LINGO2: variants seen among roughly 807,000 people sequenced by gnomAD.
LINGO2 encodes leucine-rich repeat and immunoglobulin-like domain-containing nogo receptor-interacting protein 2.
In LINGO2, 14 loss-of-function variants were observed where a neutral mutation model predicts 30.6. The observed-to-expected ratio is 0.46, with a 90% confidence interval of 0.30 to 0.72. LINGO2 has a LOEUF of 0.72. Among genes scored for constraint, LINGO2 ranks in the 30% least tolerant of loss-of-function variants. The pLI is 0.07. For missense variants in LINGO2, 729 were observed against 751.7 expected (o/e 0.97, Z 0.35); for synonymous variants, 317 against 288.5 (o/e 1.10, Z -1.00).
chr9:28,699,328 G>A, the LINGO2 span, among the ~76,000 whole-genome samples: 3 of 151,900 alleles, frequency 2.0e-5, no homozygotes, highest in Non-Finnish European at 2.9e-5. Context: ...CTGGAGCTGC[G>A]GCAGAGGAAC....
intron 1 of LINGO2, among the ~76,000 whole-genome samples, chr9:28,483,524 T>G (rs2135233877): frequency 6.6e-6 from 1 of 151,970 alleles, no homozygotes; most frequent in South Asian, 2.1e-4. Flanking sequence ...AATATGAGGT[T>G]TCACTGCTGC....
At chr9:28,886,992 A>C in the LINGO2 span, among the ~76,000 whole-genome samples, 6 of 152,280 alleles carry the variant, frequency 3.9e-5, no homozygotes, top group South Asian at 8.3e-4. Context: ...AATGTTCCCC[A>C]GTGGGTTGAC....
intron 1 of LINGO2, among the ~76,000 whole-genome samples, chr9:28,643,941 G>C (rs1465052385): frequency 6.6e-6 from 1 of 151,828 alleles, no homozygotes; most frequent in East Asian, 1.9e-4. Context: ...AATGGTGTTC[G>C]ACATTGATCA....
intron 2 of LINGO2, among the ~76,000 whole-genome samples, chr9:28,448,480 A>G (rs1301045010): frequency 1.3e-5 from 2 of 152,168 alleles, no homozygotes; most frequent in Non-Finnish European, 2.9e-5. Context: ...GTTTGTTAAA[A>G]AATACATATT....
chr9:28,326,240 C>T (rs1236429250), intron 3 of LINGO2, among the ~76,000 whole-genome samples: 2 of 152,130 alleles, frequency 1.3e-5, no homozygotes, highest in Admixed American at 1.3e-4. Context: ...CTCCTGACCT[C>T]GTGATCTGCC....
chr9:29,145,023 T>C, the LINGO2 span, among the ~76,000 whole-genome samples: 1 of 152,184 alleles, frequency 6.6e-6, no homozygotes, highest in Non-Finnish European at 1.5e-5. Flanking sequence ...AAGTATAATA[T>C]TGGATATTTT....
the LINGO2 span, among the ~76,000 whole-genome samples, chr9:28,842,806 A>C: frequency 6.6e-6 from 1 of 151,826 alleles, no homozygotes; most frequent in Non-Finnish European, 1.5e-5. Context: ...TGCAATTCTA[A>C]ATCTTCAACA....
intron 2 of LINGO2, among the ~76,000 whole-genome samples, chr9:28,380,894 T>A (rs1564163077): frequency 6.6e-6 from 1 of 152,154 alleles, no homozygotes; most frequent in Admixed American, 6.6e-5. Flanking sequence ...GCTAGGTACA[T>A]AGCAACTCAG....
At chr9:28,321,259 C>G (rs1221188076) in intron 3 of LINGO2, among the ~76,000 whole-genome samples, 1 of 152,108 alleles carries the variant, frequency 6.6e-6, no homozygotes, top group Non-Finnish European at 1.5e-5. Context: ...AGCCAGAGAC[C>G]TGCTTCAGAA....
chr9:28,595,104 C>A (rs1420829085), intron 1 of LINGO2, among the ~76,000 whole-genome samples: 1 of 151,978 alleles, frequency 6.6e-6, no homozygotes, highest in East Asian at 1.9e-4. Context: ...TCAATTACTC[C>A]ACTGTTATCC....
chr9:28,680,218 G>T, the LINGO2 span, among the ~76,000 whole-genome samples: 1 of 151,870 alleles, frequency 6.6e-6, no homozygotes, highest in Non-Finnish European at 1.5e-5. Flanking sequence ...ATGATATACT[G>T]GTATTTCTGT....
intron 3 of LINGO2, among the ~76,000 whole-genome samples, chr9:28,342,293 G>A (rs968710113): frequency 9.9e-5 from 15 of 152,034 alleles, no homozygotes; most frequent in South Asian, 2.1e-4. Flanking sequence ...TATTCCCATC[G>A]TCATATAAGT....
At chr9:28,596,898 G>A (rs937440172) in intron 1 of LINGO2, among the ~76,000 whole-genome samples, 3 of 152,042 alleles carry the variant, frequency 2.0e-5, no homozygotes, top group Non-Finnish European at 2.9e-5. Context: ...CCAGGCACCC[G>A]GTAAACAAGC....
At chr9:29,016,119 T>C in the LINGO2 span, among the ~76,000 whole-genome samples, 1 of 152,194 alleles carries the variant, frequency 6.6e-6, no homozygotes, top group South Asian at 2.1e-4. Flanking sequence ...TATAAATTCC[T>C]TAACCAGAAG....
At chr9:28,351,915 A>G (rs1819912428) in intron 3 of LINGO2, among the ~76,000 whole-genome samples, 1 of 150,632 alleles carries the variant, frequency 6.6e-6, no homozygotes, top group African/African-American at 2.4e-5. Flanking sequence ...GATTATCTCA[A>G]TAGATGCAGA....
At chr9:29,171,054 C>T in the LINGO2 span, among the ~76,000 whole-genome samples, 1 of 151,874 alleles carries the variant, frequency 6.6e-6, no homozygotes, top group South Asian at 2.1e-4. Flanking sequence ...TTCTTCTATC[C>T]TGTGTGGTTA....
At chr9:28,344,657 G>C (rs1819496916) in intron 3 of LINGO2, among the ~76,000 whole-genome samples, 1 of 151,748 alleles carries the variant, frequency 6.6e-6, no homozygotes, top group Admixed American at 6.6e-5. Context: ...TCAGAAAAAG[G>C]GTCATTCAAT....
chr9:29,095,567 T>C, the LINGO2 span, among the ~76,000 whole-genome samples: 1 of 138,646 alleles, frequency 7.2e-6, no homozygotes, highest in Non-Finnish European at 1.6e-5. Context: ...GAAAGAACCA[T>C]TTCATAGGGG....
Position 28,255,207 on chromosome 9 carries a change from CTCTT to C in LINGO2, c.-87+39997_-87+40000del, listed in dbSNP as rs1822342366. 5.9e-5 allele frequency among the ~76,000 whole-genome samples: 9 copies of C among 152,040 alleles called. No individual in the cohort carries two copies. The South Asian group carries it at 1.7e-3, about 28-fold the overall frequency. ...TCCCTCCCTCTCTCGCTCTCTCTCT[CTCTT>C]TCTTTTTGGTCTTAACATTATTCCT... On this transcript the variant is annotated intron_variant, in intron 4 of 5. Coordinates refer to ENST00000379992, the Ensembl canonical transcript of LINGO2.
Sources: gnomAD v4.1 joint callset for allele counts (sites outside exome capture counted in the v4.1 genomes callset) on GRCh38, gnomAD v4.1.1 for gene constraint, MANE v1.5 for transcripts, NCBI Gene and HGNC (gene_info 2026-07-23, HGNC 2026-07-21) for gene names.